EIF3H: variants seen among roughly 807,000 people sequenced by gnomAD.
EIF3H encodes eukaryotic translation initiation factor 3 subunit H.
EIF3H carries 26 observed loss-of-function variants against 44.2 expected under a neutral mutation model. The ratio of observed to expected loss-of-function variants is 0.59; its 90% confidence interval spans 0.43 to 0.82. The LOEUF is 0.82. Ranked by LOEUF, EIF3H falls within the 40% of genes least tolerant of loss-of-function variation. EIF3H has a pLI of 0.00. For missense variants in EIF3H, 359 were observed against 432.8 expected (o/e 0.83, Z 1.51); for synonymous variants, 166 against 151.9 (o/e 1.09, Z -0.68).
At chr8:116,766,236 G>A (rs756217026) in exon 1 of EIF3H, 1 of 205,492 alleles carries the variant, frequency 4.9e-6, no homozygotes, top group Non-Finnish European at 9.9e-6. Context: ...GTCTTTCAGA[G>A]AAGCTCTTGC....
rs141042189 is a variant in EIF3H, at chr8:116,659,051, G to A, written c.290-71C>T. 1.1e-3 allele frequency: 1,506 copies of A among 1,351,326 alleles called. 3 individuals carry two copies. The highest frequency in any genetic ancestry group is 7.9e-3 in the African/African-American group (526 of 66,936). The allele number at this position is 1,351,326 out of a possible 1,614,324, so 83.7% of individuals were successfully genotyped here. ...ATGTTACCAACATCAAAAACAAGCC[G>A]TTTTGGAAACAAATGTCTACATAAC... On this transcript the variant is annotated intron_variant, in intron 2 of 7. Transcript: ENST00000521861.
chr8:116,654,899 T>G (rs565190776), intron 5 of EIF3H, among the ~76,000 whole-genome samples: 1 of 124,478 alleles, frequency 8.0e-6, no homozygotes, highest in East Asian at 2.0e-4. Context: ...AAGTACAAAG[T>G]CTGTACACTT....
upstream of EIF3H, among the ~76,000 whole-genome samples, chr8:116,759,201 G>C (rs998454347): frequency 1.3e-5 from 2 of 152,158 alleles, no homozygotes; most frequent in South Asian, 4.1e-4. Context: ...CTTTGTCACA[G>C]AAACTAATGT....
intron 2 of EIF3H, among the ~76,000 whole-genome samples, chr8:116,672,420 G>A (rs1669762900): frequency 6.6e-6 from 1 of 152,164 alleles, no homozygotes; most frequent in South Asian, 2.1e-4. Flanking sequence ...GAAGCCATGA[G>A]TTCGAGACCA....
chr8:116,649,556 ACT>A (rs1813356970), intron 5 of EIF3H, among the ~76,000 whole-genome samples: 1 of 152,120 alleles, frequency 6.6e-6, no homozygotes, highest in Non-Finnish European at 1.5e-5. Flanking sequence ...CACCATATTC[ACT>A]GATTTCTGCC....
chr8:116,646,388 T>A (rs749972598), intron 7 of EIF3H, 83 bp downstream of exon 7: 28 of 1,595,932 alleles, frequency 1.8e-5, no homozygotes, highest in Non-Finnish European at 2.4e-5. Flanking sequence ...TACGGCATGC[T>A]TTTCTGTTTG....
At chr8:116,734,047 G>A (rs1198380491) in intron 1 of EIF3H, among the ~76,000 whole-genome samples, 1 of 152,098 alleles carries the variant, frequency 6.6e-6, no homozygotes, top group Admixed American at 6.5e-5. Context: ...GTAGCATCTG[G>A]AAACCTCCAT....
chr8:116,731,843 C>A (rs1193422609), intron 1 of EIF3H, among the ~76,000 whole-genome samples: 2 of 152,214 alleles, frequency 1.3e-5, no homozygotes, highest in African/African-American at 4.8e-5. Flanking sequence ...AATTATGCCT[C>A]AAGGGACAGA....
chr8:116,724,483 C>G (rs1814800486), intron 2 of EIF3H, among the ~76,000 whole-genome samples: 2 of 151,824 alleles, frequency 1.3e-5, no homozygotes, highest in South Asian at 4.1e-4. Context: ...TCCTGCCCAG[C>G]AAAGGAAACA....
At chr8:116,657,152 T>A (rs1217296786) in intron 4 of EIF3H, 63 bp downstream of exon 4, 1 of 1,390,770 alleles carries the variant, frequency 7.2e-7, no homozygotes, top group Non-Finnish European at 1.0e-6. Flanking sequence ...TCAAGAGATG[T>A]GGCAAAGAAA....
At chr8:116,655,717 A>G (rs1324923227) in intron 5 of EIF3H, 139 bp downstream of exon 5, 11 of 861,786 alleles carry the variant, frequency 1.3e-5, no homozygotes, top group Non-Finnish European at 2.0e-5. Flanking sequence ...CCAGACTATT[A>G]CTCCATGTTA....
At chr8:116,700,209 T>C (rs1369411444) in intron 2 of EIF3H, among the ~76,000 whole-genome samples, 1 of 152,170 alleles carries the variant, frequency 6.6e-6, no homozygotes, top group Non-Finnish European at 1.5e-5. Context: ...GAGCAAGAGC[T>C]CCCTAAATTA....
intron 1 of EIF3H, among the ~76,000 whole-genome samples, chr8:116,765,192 C>T (rs1380118124): frequency 3.3e-5 from 5 of 152,104 alleles, no homozygotes; most frequent in African/African-American, 7.2e-5. Context: ...AAGTACTGAG[C>T]AATTACACTC....
At chr8:116,707,327 C>A (rs950659384) in intron 2 of EIF3H, among the ~76,000 whole-genome samples, 1 of 152,088 alleles carries the variant, frequency 6.6e-6, no homozygotes, top group Non-Finnish European at 1.5e-5. Context: ...AATTGAAAAA[C>A]CTTAAATATT....
At chr8:116,718,717 T>G (rs142782108) in intron 2 of EIF3H, among the ~76,000 whole-genome samples, 1 of 105,670 alleles carries the variant, frequency 9.5e-6, no homozygotes, top group African/African-American at 3.6e-5. Context: ...CTTTGAGGAA[T>G]TGGAGAAAGG....
At position 116,705,501 on chromosome 8, in the gene EIF3H, A is replaced by G. The variant is rs4341195; in HGVS notation, c.289+20515T>C. On this transcript the variant is annotated intron_variant, in intron 2 of 7. Coordinates refer to ENST00000521861, the MANE Select transcript of EIF3H (RefSeq NM_003756.3). The stretch of plus-strand genomic sequence containing the variant: ...TGGGTAACATGTTACACCCCCCCCC[A>G]CCACCAACACCCCAGGAGAATGCAA... 5.2e-4 allele frequency among the ~76,000 whole-genome samples: 67 copies of G among 129,402 alleles called. 1 individual carries two copies. The highest frequency in any genetic ancestry group is 1.6e-3 in the African/African-American group (55 of 34,060). 84.9% of individuals were successfully genotyped at this position (129,402 alleles called of 152,430 possible).
chr8:116,718,447 G>A (rs1223172347), intron 2 of EIF3H, among the ~76,000 whole-genome samples: 1 of 152,016 alleles, frequency 6.6e-6, no homozygotes, highest in Non-Finnish European at 1.5e-5. Context: ...ATTTGCAATT[G>A]CAAAAATATG....
intron 2 of EIF3H, among the ~76,000 whole-genome samples, chr8:116,725,634 C>T (rs971235918): frequency 2.0e-5 from 3 of 152,224 alleles, no homozygotes; most frequent in Admixed American, 6.5e-5. Context: ...AAATTGAACT[C>T]CATCTCTTTC....
rs1162577482 is a variant in EIF3H at position 116,659,017 on chromosome 8, T to A, written c.290-37A>T. On this transcript the variant is annotated intron_variant, in intron 2 of 7. Transcript: ENST00000521861. ...GGAAGAGGAAATTAAAAGAAAAAACTTTTTAATGATGTTACCAACATCAAA... is the reference window on the plus strand; with the variant it reads ...GGAAGAGGAAATTAAAAGAAAAAACATTTTAATGATGTTACCAACATCAAA... The A allele has an allele frequency of 1.3e-6, 2 of 1,549,620 alleles. 1 individual carries two copies. Among genetic ancestry groups the A allele is most frequent in the African/African-American group, 2.8e-5 (2 of 71,978 alleles).
Sources: gnomAD v4.1 joint callset for allele counts (sites outside exome capture counted in the v4.1 genomes callset) on GRCh38, gnomAD v4.1.1 for gene constraint, MANE v1.5 for transcripts, NCBI Gene and HGNC (gene_info 2026-07-23, HGNC 2026-07-21) for gene names.